COBL: variants seen among roughly 807,000 people sequenced by gnomAD.
COBL encodes the protein protein cordon-bleu.
Under a neutral mutation model 98.8 loss-of-function variants are expected in COBL, and 51 were observed. That is an observed-to-expected ratio of 0.52 (90% CI 0.41 to 0.65). COBL has a LOEUF of 0.65. Among genes scored for constraint, COBL ranks in the 30% least tolerant of loss-of-function variants. COBL has a pLI of 0.00. For synonymous variants in COBL, 634 were observed against 651.7 expected, an observed-to-expected ratio of 0.97 and a Z score of 0.41; for missense variants, 1,617 against 1,617.5, an observed-to-expected ratio of 1.00 and a Z score of 0.01.
intron 12 of COBL, among the ~76,000 whole-genome samples, chr7:51,020,524 T>C (rs1786823822): frequency 6.6e-6 from 1 of 152,182 alleles, no homozygotes; most frequent in Non-Finnish European, 1.5e-5. Flanking sequence ...AATATACACA[T>C]GGATTAGGAG....
intron 7 of COBL, among the ~76,000 whole-genome samples, chr7:51,069,541 C>T (rs1792299955): frequency 6.6e-6 from 1 of 152,224 alleles, no homozygotes; most frequent in Non-Finnish European, 1.5e-5. Context: ...AGGATGTGAG[C>T]CCTTTGGGAA....
intron 6 of COBL, among the ~76,000 whole-genome samples, chr7:51,123,893 C>G (rs1421705854): frequency 6.6e-6 from 1 of 152,092 alleles, no homozygotes; most frequent in African/African-American, 2.4e-5. Flanking sequence ...CCCCCTCTGC[C>G]AAGTGTTACA....
chr7:51,244,541 C>T (rs1482400090), intron 1 of COBL, among the ~76,000 whole-genome samples: 1 of 152,110 alleles, frequency 6.6e-6, no homozygotes, highest in Non-Finnish European at 1.5e-5. Flanking sequence ...AGAGGTACTT[C>T]CTCCCTTTCA....
intron 2 of COBL, among the ~76,000 whole-genome samples, chr7:51,217,456 C>A (rs1411356500): frequency 6.6e-6 from 1 of 151,496 alleles, no homozygotes; most frequent in Non-Finnish European, 1.5e-5. Context: ...ATTCTCCTAC[C>A]TCAGCCTCCC....
At chr7:51,242,936 C>T (rs1331948802) in intron 1 of COBL, among the ~76,000 whole-genome samples, 1 of 152,090 alleles carries the variant, frequency 6.6e-6, no homozygotes, top group African/African-American at 2.4e-5. Context: ...AAGTCCAGGC[C>T]CCAAAGAAGA....
chr7:51,071,908 T>C (rs992038060), intron 7 of COBL: 2 of 107,848 alleles, frequency 1.9e-5, no homozygotes, highest in African/African-American at 6.2e-5. Flanking sequence ...AGTCCTTTAT[T>C]TCAAAAAAAA....
intron 6 of COBL, among the ~76,000 whole-genome samples, chr7:51,108,092 C>T (rs1441854234): frequency 6.6e-6 from 1 of 152,182 alleles, no homozygotes; most frequent in Non-Finnish European, 1.5e-5. Context: ...ATCCAGGGCT[C>T]ACCCAGAGGC....
Position 51,184,042 on chromosome 7 carries a change from T to G in COBL, c.783+60A>C. ...AGTTCCAGGACAGGTTGAATGCATG[T>G]ATTTCAAGAGACTATTTTTTTTACA... is the stretch of plus-strand genomic sequence containing the variant. On this transcript the variant is annotated intron_variant, in intron 5 of 12. Coordinates refer to ENST00000265136, the MANE Select transcript of COBL (RefSeq NM_015198.5). 3 of 823,492 alleles carry G rather than the reference T, an allele frequency of 3.6e-6. 1 individual carries two copies. In the South Asian group the frequency reaches 5.5e-5, roughly 15 times the overall value. The allele number at this position is 823,492 out of a possible 1,614,324, so 51.0% of individuals were successfully genotyped here. A position where few individuals can be genotyped will look rare whatever the true frequency, so the allele number is the denominator to read the frequency against.
intron 7 of COBL, among the ~76,000 whole-genome samples, chr7:51,075,354 C>T (rs953935840): frequency 6.6e-6 from 1 of 152,136 alleles, no homozygotes; most frequent in South Asian, 2.1e-4. Flanking sequence ...TGACATCAGT[C>T]ACTGAATGCG....
intron 5 of COBL, among the ~76,000 whole-genome samples, chr7:51,155,302 A>G (rs1786008981): frequency 6.6e-6 from 1 of 152,170 alleles, no homozygotes; most frequent in Admixed American, 6.5e-5. Flanking sequence ...AAGACTGTAC[A>G]GTTCCAGCCG....
At chr7:51,291,128 G>A (rs975952033) in intron 1 of COBL, among the ~76,000 whole-genome samples, 14 of 152,310 alleles carry the variant, frequency 9.2e-5, no homozygotes, top group Admixed American at 3.3e-4. Context: ...GCAAGCCATC[G>A]CGAGGCAGCG....
chr7:51,242,242 A>AT (rs1371115433), intron 1 of COBL, among the ~76,000 whole-genome samples: 1 of 152,158 alleles, frequency 6.6e-6, no homozygotes, highest in Non-Finnish European at 1.5e-5. Flanking sequence ...CCACTACTTC[A>AT]TTTACACAGG....
chr7:51,222,003 C>T (rs750770555), intron 1 of COBL, among the ~76,000 whole-genome samples: 5 of 152,122 alleles, frequency 3.3e-5, no homozygotes, highest in Non-Finnish European at 7.4e-5. Context: ...GCCTGGTCAA[C>T]ACGGTGAAAT....
Position 51,016,642 on chromosome 7 carries a change from G to T in COBL, c.*909C>A, listed in dbSNP as rs950662558. On this transcript the variant is annotated 3_prime_UTR_variant, in exon 13 of 13. Transcript: ENST00000265136. ...ATTGTGATGCTCTCAGCGCAACTTTGATCTGAACTCTTGACAGGTGGGCAT... is the reference window on the plus strand; with the variant it reads ...ATTGTGATGCTCTCAGCGCAACTTTTATCTGAACTCTTGACAGGTGGGCAT... The T allele has an allele frequency of 3.4e-6, 1 of 290,460 alleles. No individual in the cohort carries two copies. The highest frequency in any genetic ancestry group is 6.3e-6 in the Non-Finnish European group (1 of 157,680). 18.0% of individuals were successfully genotyped at this position (290,460 alleles called of 1,614,324 possible).
chr7:51,159,005 G>A (rs531159698), intron 5 of COBL, among the ~76,000 whole-genome samples: 1 of 152,312 alleles, frequency 6.6e-6, no homozygotes, highest in East Asian at 1.9e-4. Flanking sequence ...GACTGCCAGT[G>A]TGTGGGACAC....
rs73697819 is a variant in COBL at position 51,158,721 on chromosome 7, C to T, written c.784-22390G>A. Among the ~76,000 whole-genome samples, 605 of 152,208 alleles carry T rather than the reference C, an allele frequency of 4.0e-3. 3 individuals carry two copies. The highest frequency in any genetic ancestry group is 0.012 in the African/African-American group (486 of 41,532). On this transcript the variant is annotated intron_variant, in intron 5 of 12. Transcript: ENST00000265136. ...GCTGGAAAAGAATGCAGGCAAAAGT[C>T]GGGGAGGAAACACTCATTCCTAATG...
Position 51,278,439 on chromosome 7 carries a change from G to T in COBL, c.41+38154C>A, listed in dbSNP as rs1230300474. Reference sequence around the variant, plus strand: ...TCTGTCGCCAGGCTGGAGTGCAATGGCGCGATCTCGGCTCACTGCAACCTC... The same window carrying T: ...TCTGTCGCCAGGCTGGAGTGCAATGTCGCGATCTCGGCTCACTGCAACCTC... On this transcript the variant is annotated intron_variant, in intron 1 of 12. Coordinates refer to ENST00000265136, the MANE Select transcript of COBL (RefSeq NM_015198.5). Among the ~76,000 whole-genome samples the T allele has an allele frequency of 4.2e-5, 6 of 143,594 alleles. No individual in the cohort carries two copies. In the South Asian group the frequency reaches 1.3e-3, roughly 31 times the overall value. 94.2% of individuals were successfully genotyped at this position (143,594 alleles called of 152,430 possible).
At chr7:51,199,214 T>C (rs112329921) in intron 2 of COBL, among the ~76,000 whole-genome samples, 3,029 of 152,202 alleles carry the variant, frequency 0.02, 96 homozygotes, top group African/African-American at 0.069. Flanking sequence ...GGTGACAGGT[T>C]CCCCAAGCTC....
chr7:51,213,277 C>T (rs1792642485), intron 2 of COBL, among the ~76,000 whole-genome samples: 1 of 152,198 alleles, frequency 6.6e-6, no homozygotes, highest in South Asian at 2.1e-4. Context: ...CCAGGTCGCA[C>T]AGCAGGTGAG....
Sources: gnomAD v4.1 joint callset for allele counts (sites outside exome capture counted in the v4.1 genomes callset) on GRCh38, gnomAD v4.1.1 for gene constraint, MANE v1.5 for transcripts, NCBI Gene and HGNC (gene_info 2026-07-23, HGNC 2026-07-21) for gene names.